Variants in TAFA5 observed in about 807,000 individuals in gnomAD.
TAFA5 encodes the protein TAFA chemokine like family member 5.
A neutral mutation model predicts 15.3 loss-of-function variants in TAFA5; 6 were observed. That is an observed-to-expected ratio of 0.39 (90% CI 0.21 to 0.77). The LOEUF (loss-of-function observed/expected upper bound fraction) is 0.77, where lower values mean the gene tolerates loss of function less well. Among genes scored for constraint, TAFA5 ranks in the 30% least tolerant of loss-of-function variants. The pLI is 0.41. For missense variants in TAFA5, 161 were observed against 193.1 expected, an observed-to-expected ratio of 0.83 and a Z score of 0.98; for synonymous variants, 103 against 80.7, an observed-to-expected ratio of 1.28 and a Z score of -1.48.
intron 1 of TAFA5, among the ~76,000 whole-genome samples, chr22:48,540,278 C>T (rs1922317642): frequency 6.6e-6 from 1 of 152,094 alleles, no homozygotes; most frequent in Non-Finnish European, 1.5e-5. Flanking sequence ...TGGGCTGAAG[C>T]CTGCTCCCCA....
intron 2 of TAFA5, among the ~76,000 whole-genome samples, chr22:48,653,087 C>T (rs1214326607): frequency 6.6e-6 from 1 of 152,222 alleles, no homozygotes; most frequent in Non-Finnish European, 1.5e-5. Context: ...TACATCTCCG[C>T]GCAGACTGCT....
intron 3 of TAFA5, among the ~76,000 whole-genome samples, chr22:48,730,892 G>A (rs2147267042): frequency 6.6e-6 from 1 of 152,248 alleles, no homozygotes; most frequent in South Asian, 2.1e-4. Flanking sequence ...AAGTGTTCAA[G>A]TGAAAGGAAG....
chr22:48,524,107 G>T lies in TAFA5; in HGVS notation c.112+34403G>T, dbSNP rs532728976. On this transcript the variant is annotated intron_variant, in intron 1 of 3. Transcript: ENST00000402357. ...CTCTGACCTTATTTTAGTCCATTATGGCTGCTTTTTCGGGATTTTCTCTCC... is the reference window on the plus strand; with the variant it reads ...CTCTGACCTTATTTTAGTCCATTATTGCTGCTTTTTCGGGATTTTCTCTCC... Among the ~76,000 whole-genome samples the T allele has an allele frequency of 1.6e-4, 24 of 152,340 alleles. No individual in the cohort carries two copies. In the East Asian group the frequency reaches 4.6e-3, roughly 29 times the overall value.
chr22:48,585,861 A>G (rs1398635606), intron 1 of TAFA5, among the ~76,000 whole-genome samples: 1 of 151,952 alleles, frequency 6.6e-6, no homozygotes, highest in African/African-American at 2.4e-5. Context: ...ACACACACAC[A>G]CAAACATACA....
intron 2 of TAFA5, among the ~76,000 whole-genome samples, chr22:48,671,383 T>C (rs1248005585): frequency 6.6e-6 from 1 of 152,222 alleles, no homozygotes; most frequent in Admixed American, 6.5e-5. Context: ...TGGGGTGCTC[T>C]GTTGAGAATC....
intron 1 of TAFA5, among the ~76,000 whole-genome samples, chr22:48,606,275 G>A (rs1180093991): frequency 6.6e-6 from 1 of 152,198 alleles, no homozygotes; most frequent in Non-Finnish European, 1.5e-5. Flanking sequence ...GCTCCCTCTC[G>A]AGAATCGCAG....
chr22:48,643,652 TCAG>T, intron 1 of TAFA5, among the ~76,000 whole-genome samples: 1 of 152,200 alleles, frequency 6.6e-6, no homozygotes, highest in Non-Finnish European at 1.5e-5. Context: ...GTGACTAGGC[TCAG>T]CAGCAGGGCT....
chr22:48,618,422 G>A (rs764098418), intron 1 of TAFA5, among the ~76,000 whole-genome samples: 2 of 152,372 alleles, frequency 1.3e-5, no homozygotes, highest in African/African-American at 4.8e-5. Context: ...AAGAGACCTC[G>A]TAAATACTTT....
At chr22:48,561,751 C>G (rs1382462100) in intron 1 of TAFA5, among the ~76,000 whole-genome samples, 1 of 152,194 alleles carries the variant, frequency 6.6e-6, no homozygotes, top group Non-Finnish European at 1.5e-5. Flanking sequence ...ATCAATAAAC[C>G]ATTTCTGGTG....
At chr22:48,746,342 A>G (rs191402270) in intron 3 of TAFA5, among the ~76,000 whole-genome samples, 2 of 152,050 alleles carry the variant, frequency 1.3e-5, no homozygotes, top group East Asian at 1.9e-4. Context: ...AGAGACATTG[A>G]CATCAGCTGG....
chr22:48,618,257 G>T (rs933704239), intron 1 of TAFA5, among the ~76,000 whole-genome samples: 6 of 152,350 alleles, frequency 3.9e-5, no homozygotes, highest in Admixed American at 2.6e-4. Context: ...CAGCGGCACA[G>T]AGCCACTGTC....
At position 48,748,489 on chromosome 22, in the gene TAFA5, C is replaced by T. The variant is rs75351078; in HGVS notation, c.391-1350C>T. 9.9e-3 allele frequency among the ~76,000 whole-genome samples: 1,506 copies of T among 152,302 alleles called. 11 individuals carry two copies. Among genetic ancestry groups the T allele is most frequent in the Middle Eastern group, 0.02 (6 of 294 alleles). The stretch of plus-strand genomic sequence containing the variant: ...GCCACAGGCAGAACGGCCGTGGTGG[C>T]AGCTCCAGGAAGCCAGGTTGGGAAG... On this transcript the variant is annotated intron_variant, in intron 3 of 3. Transcript: ENST00000402357.
At chr22:48,721,338 G>A (rs963061386) in intron 3 of TAFA5, among the ~76,000 whole-genome samples, 8 of 152,138 alleles carry the variant, frequency 5.3e-5, no homozygotes, top group South Asian at 4.1e-4. Flanking sequence ...CGTCCCGCCC[G>A]CTGCGTGTGA....
At chr22:48,663,062 C>T (rs904964118) in intron 2 of TAFA5, among the ~76,000 whole-genome samples, 2 of 151,604 alleles carry the variant, frequency 1.3e-5, no homozygotes, top group African/African-American at 4.9e-5. Flanking sequence ...TGGGATGCTC[C>T]GGGACGCAGG....
intron 1 of TAFA5, among the ~76,000 whole-genome samples, chr22:48,493,816 G>A (rs984272123): frequency 1.3e-5 from 2 of 151,986 alleles, no homozygotes; most frequent in Non-Finnish European, 2.9e-5. Context: ...AGGGACTTCC[G>A]AAGGGACCCC....
intron 1 of TAFA5, among the ~76,000 whole-genome samples, chr22:48,631,416 T>TTGGTGTCC (rs1926222336): frequency 6.6e-6 from 1 of 152,330 alleles, no homozygotes; most frequent in South Asian, 2.1e-4. Context: ...AAGGGTTCCC[T>TTGGTGTCC]TGGTGTCCTG....
chr22:48,572,648 CT>C (rs1923630334), intron 1 of TAFA5, among the ~76,000 whole-genome samples: 1 of 152,154 alleles, frequency 6.6e-6, no homozygotes, highest in South Asian at 2.1e-4. Context: ...CTGGTGAAGC[CT>C]GTGCCACCCA....
intron 1 of TAFA5, among the ~76,000 whole-genome samples, chr22:48,629,538 C>T (rs942583269): frequency 2.6e-5 from 4 of 152,242 alleles, no homozygotes; most frequent in Non-Finnish European, 5.9e-5. Context: ...CTGAAAGGCA[C>T]ATGCATCCTC....
chr22:48,538,272 TGGA>T (rs1922239964), intron 1 of TAFA5, among the ~76,000 whole-genome samples: 1 of 151,280 alleles, frequency 6.6e-6, no homozygotes, highest in Admixed American at 6.6e-5. Context: ...ACTGAGCAGG[TGGA>T]GGAGGAGGAC....
Sources: gnomAD v4.1 joint callset for allele counts (sites outside exome capture counted in the v4.1 genomes callset) on GRCh38, gnomAD v4.1.1 for gene constraint, MANE v1.5 for transcripts, NCBI Gene and HGNC (gene_info 2026-07-23, HGNC 2026-07-21) for gene names.